DCDC2C: variants seen among roughly 807,000 people sequenced by gnomAD.
DCDC2C encodes the protein doublecortin domain-containing protein 2C.
In DCDC2C, 44 loss-of-function variants were observed where a neutral mutation model predicts 45.0. The observed-to-expected ratio is 0.98, with a 90% CI of 0.77 to 1.26. DCDC2C has a LOEUF of 1.26. DCDC2C is among the 50% of genes most tolerant of loss of function. The pLI is 0.00. For missense variants in DCDC2C, 447 were observed against 468.9 expected, an observed-to-expected ratio of 0.95 and a Z score of 0.43; for synonymous variants, 187 against 178.8, an observed-to-expected ratio of 1.05 and a Z score of -0.37.
intron 2 of DCDC2C, among the ~76,000 whole-genome samples, chr2:3,718,414 C>T (rs1236827360): frequency 2.0e-5 from 3 of 152,062 alleles, no homozygotes; most frequent in Admixed American, 2.0e-4. Context: ...AGCATCAGTT[C>T]TCCTTATATT....
intron 3 of DCDC2C, among the ~76,000 whole-genome samples, chr2:3,740,338 C>T (rs1669167774): frequency 6.6e-6 from 1 of 152,178 alleles, no homozygotes; most frequent in African/African-American, 2.4e-5. Context: ...TGTGGGATGA[C>T]TGGGTTAGTG....
chr2:3,722,282 G>A (rs1427838424), intron 2 of DCDC2C, among the ~76,000 whole-genome samples: 1 of 152,224 alleles, frequency 6.6e-6, no homozygotes, highest in African/African-American at 2.4e-5. Flanking sequence ...GACTCATTTT[G>A]CTAAAAAGTA....
At chr2:3,830,858 T>C (rs1671932504) in intron 10 of DCDC2C, among the ~76,000 whole-genome samples, 1 of 152,244 alleles carries the variant, frequency 6.6e-6, no homozygotes, top group Non-Finnish European at 1.5e-5. Context: ...TACTACTAAA[T>C]GTAACTCTTT....
rs537981601 is a variant in DCDC2C, at chr2:3,726,951, G to T, written c.340-52G>T. 2.7e-5 allele frequency: 40 copies of T among 1,473,954 alleles called. No individual in the cohort carries two copies. In the African/African-American group the frequency reaches 4.1e-4, roughly 15 times the overall value. 91.3% of individuals were successfully genotyped at this position (1,473,954 alleles called of 1,614,324 possible). A position where few individuals can be genotyped will look rare whatever the true frequency, so the allele number is the denominator to read the frequency against. On this transcript the variant is annotated intron_variant, in intron 2 of 10. Coordinates refer to ENST00000399143, the MANE Select transcript of DCDC2C (RefSeq NM_001287444.2). ...TGCTGTGCACACTGTTGAGTTTGAT[G>T]AGTGTTGGCTAATTTGAACTGAATT...
At chr2:3,743,196 A>AATATACAAC (rs4066805) in intron 4 of DCDC2C, among the ~76,000 whole-genome samples, 86,384 of 151,496 alleles carry the variant, frequency 0.57, 25,515 homozygotes, top group East Asian at 0.85. Context: ...GCCCATCAAG[A>AATATACAAC]ATATACAACA....
intron 10 of DCDC2C, among the ~76,000 whole-genome samples, chr2:3,821,367 T>C (rs1225203684): frequency 6.6e-6 from 1 of 152,194 alleles, no homozygotes; most frequent in African/African-American, 2.4e-5. Context: ...GACCATATTA[T>C]GTTTTTTTTT....
In DCDC2C at chr2:3,769,392, T is replaced by C; in HGVS notation, c.935T>C (p.Leu312Pro). The change falls in exon 8 of 11, where the codon CTG (leucine) becomes CCG (proline). Residue 312 changes from leucine to proline, a missense_variant. Leu to Pro is a moderately conservative substitution (Grantham distance 98). Transcript: ENST00000399143. Reference protein sequence around the residue: ...LDVKEEHNVQLEVPVDQRQAE... With the variant: ...LDVKEEHNVQPEVPVDQRQAE... ...GTCAAAGAGGAGCACAATGTGCAGC[T>C]GGAGGTGCCTGTGGACCAGGTGGGT... 6.4e-7 allele frequency: 1 copy of C among 1,550,520 alleles called. No individual in the cohort carries two copies. Among genetic ancestry groups the C allele is most frequent in the Non-Finnish European group, 8.7e-7 (1 of 1,146,940 alleles).
At chr2:3,789,258 A>G (rs757724466) in intron 10 of DCDC2C, among the ~76,000 whole-genome samples, 1 of 152,190 alleles carries the variant, frequency 6.6e-6, no homozygotes, top group Non-Finnish European at 1.5e-5. Context: ...AGCACCACAC[A>G]AAACTCCACG....
chr2:3,828,787 C>T (rs1015234293), intron 10 of DCDC2C, among the ~76,000 whole-genome samples: 6 of 152,160 alleles, frequency 3.9e-5, no homozygotes, highest in African/African-American at 1.4e-4. Flanking sequence ...ACCTTGTTTC[C>T]GAAACATTGC....
intron 10 of DCDC2C, among the ~76,000 whole-genome samples, chr2:3,815,835 C>G (rs1467297580): frequency 6.6e-6 from 1 of 152,194 alleles, no homozygotes; most frequent in African/African-American, 2.4e-5. Flanking sequence ...GCCATTTTCA[C>G]TTCTTTTGTG....
At chr2:3,821,675 AT>A (rs1361606973) in intron 10 of DCDC2C, among the ~76,000 whole-genome samples, 2 of 152,230 alleles carry the variant, frequency 1.3e-5, no homozygotes, top group African/African-American at 4.8e-5. Context: ...GAGATACCAG[AT>A]TATTACATTG....
At chr2:3,779,049 C>G (rs906491496) in intron 9 of DCDC2C, among the ~76,000 whole-genome samples, 165 bp downstream of exon 9, 27 of 152,160 alleles carry the variant, frequency 1.8e-4, no homozygotes, top group African/African-American at 6.3e-4. Flanking sequence ...GCCGTGGACA[C>G]GATCGGGTTT....
At chr2:3,756,045 G>T (rs1304725984) in intron 6 of DCDC2C, among the ~76,000 whole-genome samples, 5 of 151,544 alleles carry the variant, frequency 3.3e-5, no homozygotes, top group African/African-American at 4.9e-5. Flanking sequence ...TGTGTGTGTG[G>T]ATGCCTGTGT....
At chr2:3,779,755 C>T (rs1023640539) in intron 9 of DCDC2C, among the ~76,000 whole-genome samples, 2 of 148,892 alleles carry the variant, frequency 1.3e-5, no homozygotes, top group South Asian at 2.2e-4. Flanking sequence ...CGGGGACACT[C>T]GCAGCCTTGC....
At chr2:3,736,350 C>T (rs1669025469) in intron 3 of DCDC2C, among the ~76,000 whole-genome samples, 1 of 152,142 alleles carries the variant, frequency 6.6e-6, no homozygotes. Flanking sequence ...GATCAAAACC[C>T]ACCCCTGGTG....
At chr2:3,843,568 G>A (rs921115618) in intron 10 of DCDC2C, among the ~76,000 whole-genome samples, 4 of 152,184 alleles carry the variant, frequency 2.6e-5, no homozygotes, top group Non-Finnish European at 5.9e-5. Context: ...TTAGCATCAG[G>A]AAATGTAGTT....
chr2:3,779,001 G>A, intron 9 of DCDC2C, 117 bp downstream of exon 9: 1 of 1,025,892 alleles, frequency 9.7e-7, no homozygotes, highest in Non-Finnish European at 1.4e-6. Context: ...CAAAACACAA[G>A]CCAGCGCGGA....
chr2:3,812,211 CTT>C (rs56779860), intron 10 of DCDC2C, among the ~76,000 whole-genome samples: 5 of 140,774 alleles, frequency 3.6e-5, no homozygotes, highest in Admixed American at 1.4e-4. Context: ...TGGTCCTGGG[CTT>C]TTTTTTTTTT....
chr2:3,728,235 C>A (rs563871022), intron 3 of DCDC2C, among the ~76,000 whole-genome samples: 6 of 152,294 alleles, frequency 3.9e-5, no homozygotes, highest in African/African-American at 1.4e-4. Flanking sequence ...GCCGAGAATT[C>A]GCCAAACTTG....
Sources: allele counts gnomAD v4.1 joint callset (sites outside exome capture counted in the v4.1 genomes callset), GRCh38; gene constraint gnomAD v4.1.1; transcripts MANE v1.5; gene names NCBI Gene and HGNC (gene_info 2026-07-23, HGNC 2026-07-21).